The following N4BP2L2 variants were observed in gnomAD, a reference collection of about 807,000 sequenced individuals.
The protein encoded by N4BP2L2 is NEDD4-binding protein 2-like 2.
Under a neutral mutation model 56.2 loss-of-function variants are expected in N4BP2L2, and 50 were observed. That is an observed-to-expected ratio of 0.89 (90% CI 0.71 to 1.13). N4BP2L2 has a LOEUF of 1.13. Among genes scored for constraint, N4BP2L2 ranks in the 50% most tolerant of loss-of-function variants. The pLI, the probability that N4BP2L2 is intolerant of heterozygous loss-of-function variation, is 0.00. For synonymous variants in N4BP2L2, 203 were observed against 223.6 expected, an observed-to-expected ratio of 0.91 and a Z score of 0.82; for missense variants, 689 against 693.8, an observed-to-expected ratio of 0.99 and a Z score of 0.08.
intron 6 of N4BP2L2, among the ~76,000 whole-genome samples, chr13:32,457,201 T>C (rs1196849669): frequency 1.3e-5 from 2 of 151,818 alleles, no homozygotes; most frequent in East Asian, 1.9e-4. Context: ...CATAAATACA[T>C]AAAAAGAATG....
At chr13:32,507,019 C>A (rs1236113421), downstream of N4BP2L2, 1 of 152,096 alleles carries the variant, frequency 6.6e-6, no homozygotes, top group Non-Finnish European at 1.5e-5. Context: ...TATATAGATA[C>A]ACTCACTGTG....
At chr13:32,487,582 C>G (rs798272) in intron 6 of N4BP2L2, among the ~76,000 whole-genome samples, 66,963 of 151,068 alleles carry the variant, frequency 0.44, 15,696 homozygotes, top group African/African-American at 0.61. Flanking sequence ...TGAGGCAGGA[C>G]AATCACTTGA....
At chr13:32,449,150 C>T (rs2077470646) in intron 6 of N4BP2L2, among the ~76,000 whole-genome samples, 1 of 152,236 alleles carries the variant, frequency 6.6e-6, no homozygotes, top group Non-Finnish European at 1.5e-5. Flanking sequence ...TAGATGGCTG[C>T]TCTCCAGTGT....
At chr13:32,446,087 G>T (rs973288417) in intron 6 of N4BP2L2, among the ~76,000 whole-genome samples, 9 of 152,104 alleles carry the variant, frequency 5.9e-5, no homozygotes, top group African/African-American at 2.2e-4. Flanking sequence ...TGATTGGCTG[G>T]GCATTGGACA....
intron 6 of N4BP2L2, among the ~76,000 whole-genome samples, chr13:32,488,011 A>C (rs1306685813): frequency 3.9e-5 from 6 of 152,056 alleles, no homozygotes; most frequent in Admixed American, 3.9e-4. Flanking sequence ...GGTATGTGCC[A>C]CCACGCCGGA....
chr13:32,503,282 T>C (rs1159477320), intron 6 of N4BP2L2, among the ~76,000 whole-genome samples: 1 of 152,072 alleles, frequency 6.6e-6, no homozygotes, highest in Non-Finnish European at 1.5e-5. Context: ...AATCTCAGTG[T>C]TGCTTCTTAA....
intron 6 of N4BP2L2, among the ~76,000 whole-genome samples, chr13:32,495,357 C>G (rs973980054): frequency 6.6e-6 from 1 of 152,068 alleles, no homozygotes; most frequent in African/African-American, 2.4e-5. Flanking sequence ...CCTAAAGGGC[C>G]CATAGGTTCC....
At chr13:32,514,302 A>G (rs2048736486) in exon 6 of N4BP2L2, 1 of 152,234 alleles carries the variant, frequency 6.6e-6, no homozygotes, top group Non-Finnish European at 1.5e-5. Context: ...ATTATGAAAC[A>G]TAAAAAATCA....
rs182321908 is a variant in N4BP2L2 at position 32,464,381 on chromosome 13, G to C, written c.366-20255C>G. Reference sequence around the variant, plus strand: ...TGGTAGGACACTGGAGGTGAGAGGGGGAAAATATGTTTGTGTTTTTTTCTG... The same window carrying C: ...TGGTAGGACACTGGAGGTGAGAGGGCGAAAATATGTTTGTGTTTTTTTCTG... On this transcript the variant is annotated intron_variant, in intron 6 of 9. Coordinates refer to the N4BP2L2 transcript ENST00000357505. 3.3e-4 allele frequency among the ~76,000 whole-genome samples: 51 copies of C among 152,278 alleles called. No individual in the cohort carries two copies. In the East Asian group the frequency reaches 9.6e-3, roughly 29 times the overall value.
chr13:32,462,901 G>T (rs775262090), intron 6 of N4BP2L2, among the ~76,000 whole-genome samples: 21 of 142,440 alleles, frequency 1.5e-4, no homozygotes, highest in Non-Finnish European at 1.8e-4. Context: ...AAATTAGCCA[G>T]GCACAGCAGC....
At chr13:32,538,632 A>C in exon 1 of N4BP2L2, 5 of 985,458 alleles carry the variant, frequency 5.1e-6, no homozygotes, top group Non-Finnish European at 4.8e-6. Flanking sequence ...CTCTACCCCT[A>C]CGCATTGACC....
chr13:32,515,212 A>G (rs2048951562), exon 6 of N4BP2L2: 1 of 152,168 alleles, frequency 6.6e-6, no homozygotes, highest in Non-Finnish European at 1.5e-5. Context: ...TGGGAGGATC[A>G]CTTGAGGCCA....
intron 6 of N4BP2L2, among the ~76,000 whole-genome samples, chr13:32,495,276 C>A (rs2088280081): frequency 6.6e-6 from 1 of 152,188 alleles, no homozygotes; most frequent in South Asian, 2.1e-4. Context: ...TCCTGAGCCA[C>A]TGCCTAATCC....
At chr13:32,476,233 G>A (rs750391023) in intron 6 of N4BP2L2, among the ~76,000 whole-genome samples, 1 of 152,188 alleles carries the variant, frequency 6.6e-6, no homozygotes, top group African/African-American at 2.4e-5. Context: ...TGGATCTTCA[G>A]GGTTTTTGTA....
At chr13:32,505,785 C>T (rs572565834), downstream of N4BP2L2, 4 of 152,302 alleles carry the variant, frequency 2.6e-5, no homozygotes, top group East Asian at 1.9e-4. Flanking sequence ...TTCAAGGTGA[C>T]ATATGTATAC....
At chr13:32,456,085 G>A (rs760743294) in intron 6 of N4BP2L2, among the ~76,000 whole-genome samples, 1 of 152,088 alleles carries the variant, frequency 6.6e-6, no homozygotes, top group Non-Finnish European at 1.5e-5. Context: ...ATCATATTGG[G>A]ACCCACTAAC....
rs555158157 is a variant in N4BP2L2 at position 32,463,265 on chromosome 13, T to C, written c.366-19139A>G. Among the ~76,000 whole-genome samples, 638 of 152,106 alleles carry C rather than the reference T, an allele frequency of 4.2e-3. 6 individuals are homozygous for C. The highest frequency in any genetic ancestry group is 0.014 in the African/African-American group (594 of 41,476). On this transcript the variant is annotated intron_variant, in intron 6 of 9. Coordinates refer to the N4BP2L2 transcript ENST00000357505. ...GGCAACTGATATTATGCAGTCTAAG[T>C]GTCACAAACAAAAAGGAATGAAGAA... is the stretch of plus-strand genomic sequence containing the variant.
chr13:32,484,310 G>C (rs1277027719), intron 6 of N4BP2L2, among the ~76,000 whole-genome samples: 1 of 152,096 alleles, frequency 6.6e-6, no homozygotes, highest in Non-Finnish European at 1.5e-5. Context: ...CTGGGTGACA[G>C]AGAAAGACCC....
At chr13:32,511,898 G>A (rs1017048681) in exon 6 of N4BP2L2, 6 of 151,988 alleles carry the variant, frequency 3.9e-5, no homozygotes, top group African/African-American at 1.4e-4. Context: ...ATCCCTTCCT[G>A]AGTAAATTTT....
Sources: allele counts gnomAD v4.1 joint callset (sites outside exome capture counted in the v4.1 genomes callset), GRCh38; gene constraint gnomAD v4.1.1; transcripts MANE v1.5; gene names NCBI Gene and HGNC (gene_info 2026-07-23, HGNC 2026-07-21).